PIDD1: variants seen among roughly 807,000 people sequenced by gnomAD.
PIDD1 encodes the protein p53-induced death domain protein 1, also known as p53-induced death domain-containing protein 1.
PIDD1 carries 72 observed loss-of-function variants against 80.0 expected under a neutral mutation model. The ratio of observed to expected loss-of-function variants is 0.90; its 90% CI spans 0.74 to 1.09. The LOEUF (loss-of-function observed/expected upper bound fraction) is 1.09, where lower values mean the gene tolerates loss of function less well. Ranked by LOEUF, PIDD1 falls within the 50% of genes least tolerant of loss-of-function variation. PIDD1 has a pLI of 0.00. For synonymous variants in PIDD1, 655 were observed against 543.5 expected, an observed-to-expected ratio of 1.21 and a Z score of -2.85; for missense variants, 1,329 against 1,228.3, an observed-to-expected ratio of 1.08 and a Z score of -1.23.
Position 801,497 on chromosome 11 carries a change from T to G in PIDD1, c.1430A>C (p.Lys477Thr), listed in dbSNP as rs1311096827. Residue 477 changes from lysine to threonine, a missense_variant, in exon 8 of 16, where the codon AAA (lysine) becomes ACA (threonine). Lys to Thr is a moderately conservative substitution (Grantham distance 78, BLOSUM62 -1). Transcript: ENST00000347755. ...AGTGGCCCCAGGGGGGAAGATGACT[T>G]TGACCCCAGGATGACCCGAGGAGCA... ...LLCSSGHPGV[K>T]VIFPPGATEE... 1 of 1,549,860 alleles carries G rather than the reference T, an allele frequency of 6.5e-7. No homozygotes were observed. The highest frequency in any genetic ancestry group is 1.2e-5 in the South Asian group (1 of 83,064).
intron 12 of PIDD1, 44 bp downstream of exon 12, chr11:800,499 A>G (rs763861981): frequency 4.9e-5 from 79 of 1,609,884 alleles, no homozygotes; most frequent in Non-Finnish European, 6.2e-5. Context: ...GGAGGACGGT[A>G]AGGCTCCCCC....
In PIDD1 at chr11:799,855, C is replaced by T. The variant is rs747463685; in HGVS notation, c.2434G>A (p.Val812Met). The part of the protein sequence containing the change: ...DWPAVALHLG[V>M]SYREVQRIRH... ...ATGCGCTGCACCTCCCGGTAGGACA[C>T]CCCCAGGTGCAGGGCCACGGCTGGC... The change falls in exon 15 of 16, where the codon GTG becomes ATG. Residue 812 changes from valine (V) to methionine (M), a missense_variant. By Grantham distance (21) the Val-to-Met change is conservative (BLOSUM62 1). Coordinates refer to ENST00000347755, the MANE Select transcript of PIDD1 (RefSeq NM_145886.4). 13 of 1,608,288 alleles carry T rather than the reference C, an allele frequency of 8.1e-6. No individual in the cohort carries two copies. Among genetic ancestry groups the T allele is most frequent in the Admixed American group, 3.4e-5 (2 of 59,680 alleles).
chr11:802,160 G>GCCCACACACTGCCCCCGCCACGCCCTGT (rs1393282215), intron 6 of PIDD1, 35 bp downstream of exon 6: 1 of 1,567,054 alleles, frequency 6.4e-7, no homozygotes, highest in South Asian at 1.2e-5. Flanking sequence ...CCATGCCCTG[G>GCCCACACACTGCCCCCGCCACGCCCTGT]CCCACACACT....
rs912383415 is a variant in PIDD1, at chr11:801,275, G to T, written c.1573C>A (p.Pro525Thr). The change falls in exon 9 of 16, where the codon CCC (proline) becomes ACC (threonine). Residue 525 changes from proline (P) to threonine (T), a missense_variant. Pro to Thr is a conservative substitution (Grantham distance 38). Transcript: ENST00000347755. ...SPLLCLSQSG[P>T]PSFLQPVTVQ... ...GTGACCGGTTGGAGGAAGCTGGGGG[G>T]ACCGCTCTGTGACAGGCACAGCAGG... 107 of 1,583,870 alleles carry T rather than the reference G, an allele frequency of 6.8e-5. No individual in the cohort carries two copies. The highest frequency in any genetic ancestry group is 8.4e-5 in the Non-Finnish European group (98 of 1,164,902).
chr11:803,191 C>T lies in PIDD1; in HGVS notation c.692G>A (p.Ser231Asn). Residue 231 changes from serine (S) to asparagine (N), a missense_variant, in exon 3 of 16, where the codon AGC (serine) becomes AAC (asparagine). Ser to Asn is a conservative substitution (Grantham distance 46). Transcript: ENST00000347755. Reference sequence around the variant, plus strand: ...CTACTCACCCAGAGAGGCTGGGAGGCTCTGCAGCCGGTTGGAGGCCAGGTT... The same window carrying T: ...CTACTCACCCAGAGAGGCTGGGAGGTTCTGCAGCCGGTTGGAGGCCAGGTT... ...ELNLASNRLQ[S>N]LPASLAGLRS... The T allele has an allele frequency of 6.2e-7, 1 of 1,606,948 alleles. No homozygotes were observed. The highest frequency in any genetic ancestry group is 8.5e-7 in the Non-Finnish European group (1 of 1,177,738).
rs1865635094 is a variant in PIDD1 at position 804,413 on chromosome 11, C to A, written c.-25G>T. 4 of 1,560,450 alleles carry A rather than the reference C, an allele frequency of 2.6e-6. No individual in the cohort carries two copies. Among genetic ancestry groups the A allele is most frequent in the South Asian group, 1.2e-5 (1 of 84,570 alleles). On this transcript the variant is annotated 5_prime_UTR_variant, in exon 2 of 16. Coordinates refer to ENST00000347755, the MANE Select transcript of PIDD1 (RefSeq NM_145886.4). ...TCGCCCACCGACGGTCCTTGGAGGC[C>A]AGACATGTCCCAGCACGCAGGCAGG... is the stretch of plus-strand genomic sequence containing the variant.
chr11:801,394 G>A (rs1865301742), intron 8 of PIDD1, 29 bp from the exon 9 acceptor site: 1 of 1,595,890 alleles, frequency 6.3e-7, no homozygotes, highest in Non-Finnish European at 8.5e-7. Flanking sequence ...CTGAGCACCT[G>A]CCTGTGGGCT....
rs372348554 is a variant in PIDD1 at position 801,279 on chromosome 11, G to C, written c.1569C>G (p.Ser523Arg). ...CCGGTTGGAGGAAGCTGGGGGGACC[G>C]CTCTGTGACAGGCACAGCAGGGGGC... is the stretch of plus-strand genomic sequence containing the variant. The part of the protein sequence containing the change: ...AVSPLLCLSQ[S>R]GPPSFLQPVT... Residue 523 changes from serine (S) to arginine (R), a missense_variant, in exon 9 of 16, where the codon AGC becomes AGG. Transcript: ENST00000347755. The C allele has an allele frequency of 1.9e-6, 3 of 1,585,804 alleles. No individual in the cohort carries two copies. The highest frequency in any genetic ancestry group is 2.6e-6 in the Non-Finnish European group (3 of 1,166,200).
Position 801,578 on chromosome 11 carries a change from A to C in PIDD1, c.1349T>G (p.Val450Gly), listed in dbSNP as rs1865327835. 1.3e-6 allele frequency: 2 copies of C among 1,568,524 alleles called. No individual in the cohort carries two copies. The highest frequency in any genetic ancestry group is 3.8e-5 in the Admixed American group (2 of 53,060). Residue 450 changes from valine (V) to glycine (G), a missense_variant, in exon 8 of 16, where the codon GTG becomes GGG. By Grantham distance (109) the Val-to-Gly change is moderately radical. Coordinates refer to ENST00000347755, the MANE Select transcript of PIDD1 (RefSeq NM_145886.4). ...GGCATTGGACACAGGGCGGGAAACC[A>C]CAAGGAACCAGGAGAAGTGGGGCAC... ...CQVPHFSWFL[V>G]VSRPVSNACL...
In PIDD1 at chr11:801,216, AC is replaced by A. The variant is rs1865284528; in HGVS notation, c.1630+1del. ...CAGGTATGCCCCATGGCTGCCTCTCACCTGTGATGCCAGAGGGCAGAGGCAG... is the reference window on the plus strand; with the variant it reads ...CAGGTATGCCCCATGGCTGCCTCTCACTGTGATGCCAGAGGGCAGAGGCAG... On this transcript the variant is annotated splice_donor_variant, in intron 9 of 15. Coordinates refer to ENST00000347755, the MANE Select transcript of PIDD1 (RefSeq NM_145886.4). LOFTEE classifies it high-confidence loss of function. 1 of 1,548,942 alleles carries A rather than the reference AC, an allele frequency of 6.5e-7. No individual in the cohort carries two copies. The highest frequency in any genetic ancestry group is 1.9e-5 in the Admixed American group (1 of 53,252).
chr11:805,331 ACG>A (rs1379035998), upstream of PIDD1: 1 of 607,718 alleles, frequency 1.6e-6, no homozygotes, highest in African/African-American at 2.0e-5. Context: ...GCTGGGGTCC[ACG>A]GGGGAGGTCT....
rs766394063 is a variant in PIDD1 at position 804,196 on chromosome 11, C to A, written c.193G>T (p.Glu65Ter). 4.3e-6 allele frequency: 7 copies of A among 1,613,192 alleles called. No individual in the cohort carries two copies. In the East Asian group the frequency reaches 1.6e-4, roughly 36 times the overall value. Residue 65 changes from glutamate (E) to a stop codon, truncating the protein, a stop_gained, in exon 2 of 16, where the codon GAA becomes TAA. Coordinates refer to ENST00000347755, the MANE Select transcript of PIDD1 (RefSeq NM_145886.4). LOFTEE classifies it high-confidence loss of function. ...VQQPLQLLQV[E>*]FLRLSTHEDP... ...TCGTGAGTGCTCAGACGCAAGAATTCCACCTGCAGCAGCTGCAGAGGCTGC... is the reference window on the plus strand; with the variant it reads ...TCGTGAGTGCTCAGACGCAAGAATTACACCTGCAGCAGCTGCAGAGGCTGC...
Position 800,206 on chromosome 11 carries a change from G to C in PIDD1, c.2199C>G (p.Pro733=), listed in dbSNP as rs774016396. ...FYRGAVPVRV[P]EEAEAARQRK... ...TCTGCCGGGCAGCCTCAGCCTCCTC[G>C]GGCACCCGCACAGGCACCGCGCCAC... The change falls in exon 14 of 16, where the codon CCC becomes CCG. Residue 733 remains proline, a synonymous_variant. Coordinates refer to ENST00000347755, the MANE Select transcript of PIDD1 (RefSeq NM_145886.4). 1.2e-6 allele frequency: 2 copies of C among 1,610,452 alleles called. No individual in the cohort carries two copies. The highest frequency in any genetic ancestry group is 1.7e-4 in the Middle Eastern group (1 of 6,048).
intron 2 of PIDD1, 177 bp downstream of exon 2, chr11:803,917 G>C (rs1331497242): frequency 2.7e-6 from 2 of 737,734 alleles, no homozygotes; most frequent in South Asian, 3.8e-5. Context: ...TGGGGGTGGT[G>C]ATCACCGAGG....
In PIDD1 at chr11:799,386, C is replaced by T. The variant is rs373561275; in HGVS notation, c.2654G>A (p.Arg885Gln). 653 of 1,611,900 alleles carry T rather than the reference C, an allele frequency of 4.1e-4. 8 individuals carry two copies. The South Asian group carries it at 6.5e-3, about 16-fold the overall frequency. Residue 885 changes from arginine (R) to glutamine (Q), a missense_variant, in exon 16 of 16, where the codon CGA becomes CAA. Transcript: ENST00000347755. ...GTCCTTGGGGGCCAAGCCCATGCGTCGGATGCTGTCCTGGTACTTGCGGCG... is the reference window on the plus strand; with the variant it reads ...GTCCTTGGGGGCCAAGCCCATGCGTTGGATGCTGTCCTGGTACTTGCGGCG... ...LGRRKYQDSI[R>Q]RMGLAPKDPA...
rs2133802595 is a variant in PIDD1, at chr11:803,465, G to A, written c.418C>T (p.Leu140=). Residue 140 remains leucine, a synonymous_variant, in exon 3 of 16, where the codon CTG becomes TTG. Coordinates refer to ENST00000347755, the MANE Select transcript of PIDD1 (RefSeq NM_145886.4). ...CGCATCTGCAGGACACAGGCCGGCA[G>A]TGTCTCCAGGCTGTTGAAGCTCAGG... ...LDLSFNSLET[L]PACVLQMRGL... The A allele has an allele frequency of 6.2e-7, 1 of 1,613,852 alleles. No individual in the cohort carries two copies. The highest frequency in any genetic ancestry group is 8.5e-7 in the Non-Finnish European group (1 of 1,180,018).
intron 15 of PIDD1, 62 bp from the exon 16 acceptor site, chr11:799,627 C>G (rs562990586): frequency 1.3e-6 from 2 of 1,516,338 alleles, no homozygotes; most frequent in Admixed American, 2.0e-5. Flanking sequence ...CCCCACCACA[C>G]TCTGCCTCGG....
In PIDD1 at chr11:801,209, G is replaced by C; in HGVS notation, c.1630+9C>G. 6.5e-7 allele frequency: 1 copy of C among 1,545,836 alleles called. No homozygotes were observed. The highest frequency in any genetic ancestry group is 8.7e-7 in the Non-Finnish European group (1 of 1,143,390). On this transcript the variant is annotated intron_variant, in intron 9 of 15. Transcript: ENST00000347755. ...ACAGGTCCAGGTATGCCCCATGGCT[G>C]CCTCTCACCTGTGATGCCAGAGGGC...
At chr11:803,946 A>G in intron 2 of PIDD1, 148 bp downstream of exon 2, 1 of 881,788 alleles carries the variant, frequency 1.1e-6, no homozygotes, top group Non-Finnish European at 1.7e-6. Flanking sequence ...GGGGCTGGAC[A>G]GGACCAAGAG....
Sources: allele counts gnomAD v4.1 joint callset, GRCh38; gene constraint gnomAD v4.1.1; transcripts MANE v1.5; gene names NCBI Gene and HGNC (gene_info 2026-07-23, HGNC 2026-07-21).